CHD3: variants seen among roughly 807,000 people sequenced by gnomAD.
CHD3 encodes the protein chromodomain helicase DNA binding protein 3.
Under a neutral mutation model 248.9 loss-of-function variants are expected in CHD3, and 52 were observed. The ratio of observed to expected loss-of-function variants is 0.21; its 90% CI spans 0.17 to 0.26. CHD3 has a LOEUF of 0.26. Ranked by LOEUF, CHD3 falls within the 10% of genes least tolerant of loss-of-function variation. CHD3 has a pLI of 1.00. For synonymous variants in CHD3, 985 were observed against 985.2 expected (o/e 1.00, Z 0.00); for missense variants, 1,482 against 2,605.8 (o/e 0.57, Z 9.39).
rs747601165 is a variant in CHD3 at position 7,908,671 on chromosome 17, G to C, written c.5262-26G>C. The C allele has an allele frequency of 6.2e-7, 1 of 1,613,560 alleles. No individual in the cohort carries two copies. The highest frequency in any genetic ancestry group is 8.5e-7 in the Non-Finnish European group (1 of 1,179,562). The stretch of plus-strand genomic sequence containing the variant: ...CAAGCCCATTCCTGTTAAATTCCTT[G>C]ATGGTTCCTTTTCCTTCATTGGTAG... On this transcript the variant is annotated intron_variant, in intron 35 of 39. Transcript: ENST00000330494. This position sits in a 1 kb window ranked among gnomAD's most constrained non-coding sequence, Gnocchi z 5.8.
In CHD3 at chr17:7,895,284, A is replaced by G. The variant is rs772209811; in HGVS notation, c.1504-55A>G. 1.9e-4 allele frequency: 303 copies of G among 1,600,962 alleles called. No individual in the cohort carries two copies. The highest frequency in any genetic ancestry group is 2.5e-4 in the Non-Finnish European group (294 of 1,171,014). On this transcript the variant is annotated intron_variant, in intron 9 of 39. Transcript: ENST00000330494. The surrounding 1 kb of genome is among the most constrained non-coding windows in gnomAD (Gnocchi z 4.9). ...TGGGACCCCTATCTTCTCATCTAAC[A>G]ATGGGTTCTTTCTGCCTCTTTCTTT...
chr17:7,899,925 C>T lies in CHD3; in HGVS notation c.2574C>T (p.Leu858=), dbSNP rs147218672. The T allele has an allele frequency of 5.5e-5, 88 of 1,613,650 alleles. No homozygotes were observed. In the African/African-American group the frequency reaches 9.9e-4, roughly 18 times the overall value. Residue 858 remains leucine, a synonymous_variant, in exon 16 of 40, where the codon CTC becomes CTT. Transcript: ENST00000330494. The surrounding 1 kb of genome is among the most constrained non-coding windows in gnomAD (Gnocchi z 6.8). ...AGGCACAGGTGAAGTTCCATGTTCTCCTGACATCGTATGAGCTGATCACCA... is the reference window on the plus strand; with the variant it reads ...AGGCACAGGTGAAGTTCCATGTTCTTCTGACATCGTATGAGCTGATCACCA... The part of the protein sequence containing the change: ...KREAQVKFHV[L]LTSYELITID...
Position 7,903,106 on chromosome 17 carries a change from A to T in CHD3, c.3495+45A>T. 6.3e-7 allele frequency: 1 copy of T among 1,597,850 alleles called. No homozygotes were observed. The highest frequency in any genetic ancestry group is 8.6e-7 in the Non-Finnish European group (1 of 1,168,430). On this transcript the variant is annotated intron_variant, in intron 22 of 39. Transcript: ENST00000330494. This position sits in a 1 kb window ranked among gnomAD's most constrained non-coding sequence, Gnocchi z 6.8. The stretch of plus-strand genomic sequence containing the variant: ...AACCCCTGCACCATTTAGCAAGGAG[A>T]TGTGGGTTCATGGAGGAGGGTGTCA...
At position 7,900,837 on chromosome 17, in the gene CHD3, T is replaced by C. The variant is rs756701664; in HGVS notation, c.2979-15T>C. ...TTTATTTATGTTTCTTTTACACCCC[T>C]TTCCTGGCCTTTAGGAAATACTACA... On this transcript the variant is annotated splice_polypyrimidine_tract_variant and intron_variant, in intron 18 of 39. Coordinates refer to ENST00000330494, the MANE Select transcript of CHD3 (RefSeq NM_001005273.3). The surrounding 1 kb of genome is among the most constrained non-coding windows in gnomAD (Gnocchi z 6.5). 3.1e-6 allele frequency: 5 copies of C among 1,613,652 alleles called. No homozygotes were observed. The highest frequency in any genetic ancestry group is 3.4e-6 in the Non-Finnish European group (4 of 1,179,770).
rs1200762137 is a variant in CHD3 at position 7,907,550 on chromosome 17, CAG to C, written c.4925-50_4925-49del. 8 of 1,529,654 alleles carry C rather than the reference CAG, an allele frequency of 5.2e-6. No homozygotes were observed. The highest frequency in any genetic ancestry group is 4.3e-5 in the Admixed American group (2 of 46,504). The allele number at this position is 1,529,654 out of a possible 1,614,324, so 94.8% of individuals were successfully genotyped here. ...ATTTGGGATTTCCCTCTTCTGGGGT[CAG>C]GGGATGAGGGTAACATCCTCCCTTC... On this transcript the variant is annotated intron_variant, in intron 32 of 39. Coordinates refer to ENST00000330494, the MANE Select transcript of CHD3 (RefSeq NM_001005273.3). This position sits in a 1 kb window ranked among gnomAD's most constrained non-coding sequence, Gnocchi z 4.3.
rs118079592 is a variant in CHD3 at position 7,905,119 on chromosome 17, G to A, written c.4092G>A (p.Ser1364=). 11,371 of 1,614,154 alleles carry A rather than the reference G, an allele frequency of 7.0e-3. 523 individuals carry two copies. The South Asian group carries it at 0.094, about 13-fold the overall frequency. The change falls in exon 26 of 40, where the codon TCG becomes TCA. Residue 1364 remains serine (S), a synonymous_variant. Transcript: ENST00000330494. This position sits in a 1 kb window ranked among gnomAD's most constrained non-coding sequence, Gnocchi z 5.8. The stretch of plus-strand genomic sequence containing the variant: ...CCACAGACAACCAGTCAGAGTACTC[G>A]GTGGGTTCAGAGGAGGAGGATGAAG... The part of the protein sequence containing the change: ...QEDQDNQSEY[S]VGSEEEDEDF...
In CHD3 at chr17:7,904,192, T is replaced by C; in HGVS notation, c.3894+201T>C. ...GTACTGGTAAACACAGAAGGGTACC[T>C]TCTGAGACAGTGCAGGAGAAACACT... is the stretch of plus-strand genomic sequence containing the variant. On this transcript the variant is annotated intron_variant, in intron 24 of 39. Transcript: ENST00000330494. The surrounding 1 kb of genome is among the most constrained non-coding windows in gnomAD (Gnocchi z 4.4). 1.6e-6 allele frequency: 1 copy of C among 633,182 alleles called. No homozygotes were observed. Among genetic ancestry groups the C allele is most frequent in the Non-Finnish European group, 2.7e-6 (1 of 365,528 alleles). The allele number at this position is 633,182 out of a possible 1,614,324, so 39.2% of individuals were successfully genotyped here. A position where few individuals can be genotyped will look rare whatever the true frequency, so the allele number is the denominator to read the frequency against.
At position 7,897,652 on chromosome 17, in the gene CHD3, G is replaced by A. The variant is rs1187803115; in HGVS notation, c.1920-319G>A. The stretch of plus-strand genomic sequence containing the variant: ...GTACTTATTACTGCCTAAACTTAAT[G>A]GTATGTATTTAGTTATTTCAATGCT... On this transcript the variant is annotated intron_variant, in intron 11 of 39. Coordinates refer to ENST00000330494, the MANE Select transcript of CHD3 (RefSeq NM_001005273.3). The surrounding 1 kb of genome is among the most constrained non-coding windows in gnomAD (Gnocchi z 4.8). Among the ~76,000 whole-genome samples, 1 of 152,096 alleles carries A rather than the reference G, an allele frequency of 6.6e-6. No individual in the cohort carries two copies. Among genetic ancestry groups the A allele is most frequent in the Non-Finnish European group, 1.5e-5 (1 of 68,022 alleles).
At position 7,911,132 on chromosome 17, in the gene CHD3, C is replaced by A. The variant is rs1971603973; in HGVS notation, c.5881+159C>A. ...TGTTCTAGGCTGTCCCCCCACCCAT[C>A]CCTTTCTTAACCCCTCTTCAGTCCC... On this transcript the variant is annotated intron_variant, in intron 39 of 39. Coordinates refer to ENST00000330494, the MANE Select transcript of CHD3 (RefSeq NM_001005273.3). This position sits in a 1 kb window ranked among gnomAD's most constrained non-coding sequence, Gnocchi z 5.4. 6.6e-6 allele frequency among the ~76,000 whole-genome samples: 1 copy of A among 152,258 alleles called. No homozygotes were observed. The highest frequency in any genetic ancestry group is 1.5e-5 in the Non-Finnish European group (1 of 68,048).
chr17:7,901,481 A>AT (rs1970297900), intron 20 of CHD3, 106 bp downstream of exon 20: 1 of 842,762 alleles, frequency 1.2e-6, no homozygotes, highest in Admixed American at 2.9e-5. Context: ...GGTGTGACAA[A>AT]TGAGGAGATT....
intron 6 of CHD3, 70 bp from the exon 7 acceptor site, chr17:7,894,045 A>G (rs1456759044): frequency 3.1e-6 from 5 of 1,591,384 alleles, no homozygotes; most frequent in Admixed American, 3.5e-5. Flanking sequence ...ATGGCGGAAC[A>G]GGAAGCCAAA....
chr17:7,893,791 G>T lies in CHD3; in HGVS notation c.794-14G>T. The T allele has an allele frequency of 1.2e-6, 2 of 1,612,496 alleles. No individual in the cohort carries two copies. Among genetic ancestry groups the T allele is most frequent in the African/African-American group, 1.3e-5 (1 of 74,712 alleles). ...CTCTCCTTTTTCCTCTTCTCACCCC[G>T]ACTCCTCATTCAGGTCCAGGCCATA... On this transcript the variant is annotated splice_polypyrimidine_tract_variant and intron_variant, in intron 5 of 39. Transcript: ENST00000330494.
At position 7,905,556 on chromosome 17, in the gene CHD3, G is replaced by C; in HGVS notation, c.4139-65G>C. On this transcript the variant is annotated intron_variant, in intron 26 of 39. Transcript: ENST00000330494. The surrounding 1 kb of genome is among the most constrained non-coding windows in gnomAD (Gnocchi z 5.8). ...GTTGTGTATCTTGTGGGAATGGGGT[G>C]CTAAGGAGGACTGAGGCTTAGAGGA... 2 of 1,215,682 alleles carry C rather than the reference G, an allele frequency of 1.6e-6. No homozygotes were observed. Among genetic ancestry groups the C allele is most frequent in the Non-Finnish European group, 2.3e-6 (2 of 869,280 alleles). 75.3% of individuals were successfully genotyped at this position (1,215,682 alleles called of 1,614,324 possible).
rs780103840 is a variant in CHD3, at chr17:7,905,111, G to C, written c.4084G>C (p.Glu1362Gln). Residue 1362 changes from glutamate (E) to glutamine (Q), a missense_variant, in exon 26 of 40, where the codon GAG becomes CAG. By Grantham distance (29) the Glu-to-Gln change is conservative. Transcript: ENST00000330494. The surrounding 1 kb of genome is among the most constrained non-coding windows in gnomAD (Gnocchi z 5.8). ...AAQEDQDNQSEYSVGSEEEDE... is the reference protein window; with the variant it reads ...AAQEDQDNQSQYSVGSEEEDE... ...TTCCACCCCCACAGACAACCAGTCAGAGTACTCGGTGGGTTCAGAGGAGGA... is the reference window on the plus strand; with the variant it reads ...TTCCACCCCCACAGACAACCAGTCACAGTACTCGGTGGGTTCAGAGGAGGA... 6.2e-7 allele frequency: 1 copy of C among 1,614,082 alleles called. No individual in the cohort carries two copies. Among genetic ancestry groups the C allele is most frequent in the Non-Finnish European group, 8.5e-7 (1 of 1,180,028 alleles).
intron 4 of CHD3, among the ~76,000 whole-genome samples, chr17:7,891,908 G>A (rs1968924127): frequency 6.6e-6 from 1 of 152,060 alleles, no homozygotes; most frequent in African/African-American, 2.4e-5. Context: ...TTGTTTTGGG[G>A]AGAAGGCACT....
At chr17:7,885,054 TGCCCCCGCCGCCGCC>T (rs1199030865), upstream of CHD3, 97 of 976,294 alleles carry the variant, frequency 9.9e-5, no homozygotes, top group South Asian at 2.5e-3. Context: ...CCGCCACCGC[TGCCCCCGCCGCCGCC>T]GCCCCCGCCG....
At position 7,903,538 on chromosome 17, in the gene CHD3, C is replaced by A; in HGVS notation, c.3727+35C>A. 6.6e-7 allele frequency: 1 copy of A among 1,525,652 alleles called. No homozygotes were observed. The highest frequency in any genetic ancestry group is 9.0e-7 in the Non-Finnish European group (1 of 1,110,872). 94.5% of individuals were successfully genotyped at this position (1,525,652 alleles called of 1,614,324 possible). A position where few individuals can be genotyped will look rare whatever the true frequency, so the allele number is the denominator to read the frequency against. On this transcript the variant is annotated intron_variant, in intron 23 of 39. Coordinates refer to ENST00000330494, the MANE Select transcript of CHD3 (RefSeq NM_001005273.3). The surrounding 1 kb of genome is among the most constrained non-coding windows in gnomAD (Gnocchi z 6.8). ...TTTTCTGCAGCTCTGTGAAAGCAGG[C>A]CCCTGCTCTCTCAGGAGTACTTATC...
At chr17:7,887,464 G>T (rs768637813), upstream of CHD3, among the ~76,000 whole-genome samples, 11 of 151,902 alleles carry the variant, frequency 7.2e-5, no homozygotes, top group Non-Finnish European at 1.5e-4. Context: ...TGATTCCTTG[G>T]GGGTGGGGGT....
chr17:7,885,337 GCCGCC>G (rs1967704583), upstream of CHD3: 1 of 180,740 alleles, frequency 5.5e-6, no homozygotes, highest in East Asian at 1.9e-4. Flanking sequence ...CGCCGCCGCC[GCCGCC>G]GCCACCCCGG....
Sources: allele counts gnomAD v4.1 joint callset (sites outside exome capture counted in the v4.1 genomes callset), GRCh38; gene constraint gnomAD v4.1.1; non-coding constraint Gnocchi (gnomAD v3.1); transcripts MANE v1.5; gene names NCBI Gene and HGNC (gene_info 2026-07-23, HGNC 2026-07-21).